Variants in ZNF385D observed in about 807,000 individuals in gnomAD.
The protein encoded by ZNF385D is zinc finger protein 659.
A neutral mutation model predicts 35.8 loss-of-function variants in ZNF385D; 15 were observed. That is an observed-to-expected ratio of 0.42 (90% confidence interval 0.28 to 0.64). ZNF385D has a LOEUF of 0.64. Ranked by LOEUF, ZNF385D falls within the 30% of genes least tolerant of loss-of-function variation. The pLI is 0.23. For missense variants in ZNF385D, 474 were observed against 494.6 expected (o/e 0.96, Z 0.39); for synonymous variants, 212 against 186.8 (o/e 1.13, Z -1.10).
intron 2 of ZNF385D, among the ~76,000 whole-genome samples, chr3:22,193,120 T>G (rs1162647660): frequency 1.3e-5 from 2 of 152,194 alleles, no homozygotes; most frequent in African/African-American, 4.8e-5. Context: ...CAAATTAAAT[T>G]TTAATTGTTT....
intron 2 of ZNF385D, among the ~76,000 whole-genome samples, chr3:21,595,576 T>G (rs1026332024): frequency 2.0e-5 from 3 of 151,842 alleles, no homozygotes; most frequent in Admixed American, 6.6e-5. Flanking sequence ...TGAGCAATGT[T>G]GAATACCAGA....
chr3:22,276,643 A>G (rs1049394548), intron 2 of ZNF385D, among the ~76,000 whole-genome samples: 4 of 152,170 alleles, frequency 2.6e-5, no homozygotes, highest in Admixed American at 1.3e-4. Context: ...ACTGTAAAAT[A>G]TATGATTTTA....
At chr3:21,572,098 T>G (rs1307111085) in intron 2 of ZNF385D, among the ~76,000 whole-genome samples, 1 of 152,126 alleles carries the variant, frequency 6.6e-6, no homozygotes, top group Non-Finnish European at 1.5e-5. Context: ...AATTACATGG[T>G]TAGTCTTTCT....
intron 3 of ZNF385D, among the ~76,000 whole-genome samples, chr3:21,897,003 A>G (rs1402658311): frequency 6.6e-6 from 1 of 152,082 alleles, no homozygotes; most frequent in South Asian, 2.1e-4. Flanking sequence ...CAATTAGAGT[A>G]TGGAATATTG....
At chr3:21,733,553 CT>C (rs1263860727) in intron 1 of ZNF385D, among the ~76,000 whole-genome samples, 1 of 152,068 alleles carries the variant, frequency 6.6e-6, no homozygotes, top group Non-Finnish European at 1.5e-5. Context: ...CTTTTTTAAA[CT>C]TAATTTATGA....
chr3:22,248,693 C>T (rs568534029), intron 2 of ZNF385D, among the ~76,000 whole-genome samples: 3 of 152,208 alleles, frequency 2.0e-5, no homozygotes, highest in South Asian at 2.1e-4. Flanking sequence ...TCCTATCTTT[C>T]GTGATTTTAA....
At chr3:22,237,838 T>TTTTACAA (rs1297464360) in intron 2 of ZNF385D, among the ~76,000 whole-genome samples, 4 of 151,376 alleles carry the variant, frequency 2.6e-5, no homozygotes, top group East Asian at 1.9e-4. Flanking sequence ...GAGGTGGGGT[T>TTTTACAA]TCACCACATT....
chr3:22,165,793 C>T (rs1400217827), intron 3 of ZNF385D, among the ~76,000 whole-genome samples: 2 of 152,150 alleles, frequency 1.3e-5, no homozygotes, highest in African/African-American at 2.4e-5. Flanking sequence ...GCAACTCTTG[C>T]CTCAACACAA....
chr3:21,604,675 T>A (rs1471135321), intron 2 of ZNF385D, among the ~76,000 whole-genome samples: 1 of 152,014 alleles, frequency 6.6e-6, no homozygotes, highest in Non-Finnish European at 1.5e-5. Flanking sequence ...GCAGATGAAC[T>A]TAGAGAAGGT....
intron 3 of ZNF385D, among the ~76,000 whole-genome samples, chr3:21,558,596 G>A (rs899414652): frequency 2.0e-5 from 3 of 152,144 alleles, no homozygotes; most frequent in Admixed American, 6.5e-5. Context: ...TAGAATAAGA[G>A]CAATGAGTTG....
chr3:22,007,495 G>A (rs1024483110), intron 3 of ZNF385D, among the ~76,000 whole-genome samples: 5 of 152,164 alleles, frequency 3.3e-5, no homozygotes, highest in African/African-American at 9.7e-5. Flanking sequence ...TATCCTCAGG[G>A]CATGTGGCTA....
chr3:22,226,268 G>A (rs1355691852), intron 2 of ZNF385D, among the ~76,000 whole-genome samples: 1 of 152,080 alleles, frequency 6.6e-6, no homozygotes, highest in Non-Finnish European at 1.5e-5. Context: ...TTATAAGCAA[G>A]TTCTCAACAG....
chr3:21,623,966 T>C (rs1393743767), intron 2 of ZNF385D, among the ~76,000 whole-genome samples: 6 of 152,112 alleles, frequency 3.9e-5, no homozygotes, highest in Non-Finnish European at 7.4e-5. Context: ...TCAGGTTGTA[T>C]TGAGAAAGGG....
chr3:21,856,274 G>A (rs1272423104), intron 3 of ZNF385D, among the ~76,000 whole-genome samples: 1 of 141,072 alleles, frequency 7.1e-6, no homozygotes, highest in Non-Finnish European at 1.5e-5. Context: ...TGCAGACACT[G>A]GAATGTCCAG....
At chr3:22,318,863 T>C (rs768042339) in intron 2 of ZNF385D, among the ~76,000 whole-genome samples, 8 of 152,272 alleles carry the variant, frequency 5.3e-5, no homozygotes, top group Admixed American at 1.3e-4. Context: ...GTAAATTTCA[T>C]TGGAAATCGG....
chr3:22,257,949 CAACTA>C (rs1282162617), intron 2 of ZNF385D, among the ~76,000 whole-genome samples: 1 of 151,784 alleles, frequency 6.6e-6, no homozygotes, highest in Non-Finnish European at 1.5e-5. Flanking sequence ...CTTACAATCT[CAACTA>C]ATCTTTTAAC....
At chr3:22,333,626 A>C (rs1166010665) in intron 2 of ZNF385D, among the ~76,000 whole-genome samples, 1 of 152,054 alleles carries the variant, frequency 6.6e-6, no homozygotes, top group East Asian at 1.9e-4. Context: ...TCTTTTTTAC[A>C]TATATTCTAT....
At chr3:21,675,660 A>G (rs1347430564) in intron 1 of ZNF385D, among the ~76,000 whole-genome samples, 2 of 152,124 alleles carry the variant, frequency 1.3e-5, no homozygotes, top group African/African-American at 2.4e-5. Context: ...AAATCAGTAT[A>G]TACTAAGAGG....
intron 3 of ZNF385D, among the ~76,000 whole-genome samples, chr3:21,901,870 G>T (rs1220149204): frequency 2.0e-5 from 3 of 152,172 alleles, no homozygotes; most frequent in African/African-American, 7.2e-5. Flanking sequence ...AAGAATCTCA[G>T]CAAAGGGAAG....
Sources: gnomAD v4.1 joint callset for allele counts (sites outside exome capture counted in the v4.1 genomes callset) on GRCh38, gnomAD v4.1.1 for gene constraint, MANE v1.5 for transcripts, NCBI Gene and HGNC (gene_info 2026-07-23, HGNC 2026-07-21) for gene names.